Variants in JAKMIP1 observed in about 807,000 individuals in gnomAD.
JAKMIP1 encodes janus kinase and microtubule interacting protein 1.
JAKMIP1 carries 33 observed loss-of-function variants against 113.0 expected under a neutral mutation model. The observed-to-expected ratio is 0.29, with a 90% confidence interval of 0.22 to 0.39. JAKMIP1 has a LOEUF of 0.39. JAKMIP1 is among the 10% of genes least tolerant of loss of function. The probability of loss-of-function intolerance (pLI) is 1.00; values close to 1 mark genes in which losing one functional copy is unlikely to be tolerated. For synonymous variants in JAKMIP1, 480 were observed against 459.9 expected (o/e 1.04, Z -0.56); for missense variants, 813 against 1,080.5 (o/e 0.75, Z 3.47).
chr4:6,028,134 G>A (rs745463356), intron 20 of JAKMIP1, among the ~76,000 whole-genome samples: 1 of 152,228 alleles, frequency 6.6e-6, no homozygotes, highest in Non-Finnish European at 1.5e-5. Context: ...GGCTCTCTGG[G>A]CCTACCTGGG....
chr4:6,029,030 A>G (rs570769085), intron 20 of JAKMIP1, among the ~76,000 whole-genome samples: 10 of 152,230 alleles, frequency 6.6e-5, no homozygotes, highest in African/African-American at 1.9e-4. Flanking sequence ...CCATGATAAA[A>G]CTGCTTTGTG....
chr4:6,100,295 CTATTCTGGAGATTTCAT>C (rs1462181665), intron 3 of JAKMIP1, among the ~76,000 whole-genome samples: 7 of 152,166 alleles, frequency 4.6e-5, no homozygotes, highest in African/African-American at 1.7e-4. Flanking sequence ...ATAGATTTGG[CTATTCTGGAGATTTCAT>C]ACAAATGCAA....
chr4:6,042,129 C>G lies in JAKMIP1; in HGVS notation c.2097+30G>C, dbSNP rs1437875680. On this transcript the variant is annotated intron_variant, in intron 17 of 20. Transcript: ENST00000409021. This position sits in a 1 kb window ranked among gnomAD's most constrained non-coding sequence, Gnocchi z 5.2. ...CCTCTCTGAGCTCTTTGAACCCTCT[C>G]CCCCACCCCCAGGCAGTCAAATCTT... The G allele has an allele frequency of 1.9e-6, 3 of 1,580,192 alleles. No homozygotes were observed. In the Admixed American group the frequency reaches 5.0e-5, roughly 26 times the overall value.
At position 6,064,316 on chromosome 4, in the gene JAKMIP1, A is replaced by G. The variant is rs1717739330; in HGVS notation, c.1431+564T>C. On this transcript the variant is annotated intron_variant, in intron 9 of 20. Coordinates refer to ENST00000409021, the MANE Select transcript of JAKMIP1 (RefSeq NM_001099433.2). The surrounding 1 kb of genome is among the most constrained non-coding windows in gnomAD (Gnocchi z 4.3). ...CGAAGCTGGTCTTTGCCCCCTCACG[A>G]ATCCACCTTGCTCAAGAAGCTGGCT... is the stretch of plus-strand genomic sequence containing the variant. Among the ~76,000 whole-genome samples the G allele has an allele frequency of 6.6e-6, 1 of 152,216 alleles. No homozygotes were observed. Among genetic ancestry groups the G allele is most frequent in the African/African-American group, 2.4e-5 (1 of 41,456 alleles).
intron 2 of JAKMIP1, among the ~76,000 whole-genome samples, chr4:6,107,582 C>G (rs1714169703): frequency 6.6e-6 from 1 of 152,160 alleles, no homozygotes; most frequent in African/African-American, 2.4e-5. Context: ...GACCGAGGTC[C>G]CCTGCGGAAG....
In JAKMIP1 at chr4:6,179,511, C is replaced by T. The variant is rs560928354; in HGVS notation, c.-148+20742G>A. On this transcript the variant is annotated intron_variant, in intron 1 of 20. Coordinates refer to ENST00000409021, the MANE Select transcript of JAKMIP1 (RefSeq NM_001099433.2). This position sits in a 1 kb window ranked among gnomAD's most constrained non-coding sequence, Gnocchi z 4.5. ...CTACAGGCACCGTCAAGGGACAACC[C>T]TACAAAGCCACAAACCCACAGGAAA... 1.3e-5 allele frequency among the ~76,000 whole-genome samples: 2 copies of T among 152,280 alleles called. No homozygotes were observed. The highest frequency in any genetic ancestry group is 4.1e-4 in the South Asian group (2 of 4,826).
rs1425304659 is a variant in JAKMIP1 at position 6,089,782 on chromosome 4, A to G, written c.625-4153T>C. On this transcript the variant is annotated intron_variant, in intron 3 of 20. Transcript: ENST00000409021. This position sits in a 1 kb window ranked among gnomAD's most constrained non-coding sequence, Gnocchi z 5.3. The stretch of plus-strand genomic sequence containing the variant: ...CTCAACATCAATTCTCATTCTTGGT[A>G]CCTGTAGTGGGATGAATAATGTCCC... 1.3e-5 allele frequency among the ~76,000 whole-genome samples: 2 copies of G among 152,214 alleles called. No individual in the cohort carries two copies. Among genetic ancestry groups the G allele is most frequent in the African/African-American group, 4.8e-5 (2 of 41,454 alleles).
chr4:6,133,391 T>C (rs1369728764), intron 1 of JAKMIP1, among the ~76,000 whole-genome samples: 1 of 152,238 alleles, frequency 6.6e-6, no homozygotes, highest in Non-Finnish European at 1.5e-5. Context: ...GTATTATTTA[T>C]ACTTTCAGAG....
intron 19 of JAKMIP1, among the ~76,000 whole-genome samples, chr4:6,033,886 TCA>T (rs1713058900): frequency 6.6e-6 from 1 of 152,114 alleles, no homozygotes; most frequent in Non-Finnish European, 1.5e-5. Context: ...TCACAAAACA[TCA>T]ATAGTTAACC....
chr4:6,096,354 A>C (rs1711764904), intron 3 of JAKMIP1, among the ~76,000 whole-genome samples: 1 of 152,222 alleles, frequency 6.6e-6, no homozygotes, highest in African/African-American at 2.4e-5. Flanking sequence ...CTAATTATAA[A>C]TTCCCATTGT....
intron 1 of JAKMIP1, among the ~76,000 whole-genome samples, chr4:6,175,102 C>A (rs1019802015): frequency 3.3e-5 from 5 of 152,158 alleles, no homozygotes; most frequent in African/African-American, 1.2e-4. Context: ...CTCACCTTCC[C>A]ACAAGTCCCC....
intron 1 of JAKMIP1, among the ~76,000 whole-genome samples, chr4:6,127,270 G>A (rs969497024): frequency 6.6e-6 from 1 of 152,198 alleles, no homozygotes; most frequent in Non-Finnish European, 1.5e-5. Flanking sequence ...GGCAGCCAGG[G>A]CATAGGCTGT....
intron 3 of JAKMIP1, among the ~76,000 whole-genome samples, chr4:6,091,322 T>C (rs958012770): frequency 1.3e-5 from 2 of 152,250 alleles, no homozygotes; most frequent in African/African-American, 4.8e-5. Flanking sequence ...CATTTTAAAT[T>C]AAGCTCAAAC....
chr4:6,071,683 C>T (rs1243109678), intron 8 of JAKMIP1, among the ~76,000 whole-genome samples: 1 of 152,228 alleles, frequency 6.6e-6, no homozygotes, highest in Non-Finnish European at 1.5e-5. Context: ...GGCTCCCGAG[C>T]TCTGCTCTAC....
Position 6,098,159 on chromosome 4 carries a change from G to A in JAKMIP1, c.624+7314C>T, listed in dbSNP as rs554495680. Among the ~76,000 whole-genome samples, 559 of 152,304 alleles carry A rather than the reference G, an allele frequency of 3.7e-3. 7 individuals are homozygous for A. The highest frequency in any genetic ancestry group is 3.7e-3 in the Non-Finnish European group (253 of 68,038). On this transcript the variant is annotated intron_variant, in intron 3 of 20. Transcript: ENST00000409021. ...AAAAGAAACATTCCTCGTCGCGTGCGGTGGCTCACGCCTGTAATCCCAGCA... is the reference window on the plus strand; with the variant it reads ...AAAAGAAACATTCCTCGTCGCGTGCAGTGGCTCACGCCTGTAATCCCAGCA...
Position 6,153,992 on chromosome 4 carries a change from T to A in JAKMIP1, c.-147-40995A>T, listed in dbSNP as rs536860384. 1.5e-4 allele frequency among the ~76,000 whole-genome samples: 23 copies of A among 152,276 alleles called. No homozygotes were observed. Among genetic ancestry groups the A allele is most frequent in the African/African-American group, 5.1e-4 (21 of 41,568 alleles). On this transcript the variant is annotated intron_variant, in intron 1 of 20. Coordinates refer to ENST00000409021, the MANE Select transcript of JAKMIP1 (RefSeq NM_001099433.2). This position sits in a 1 kb window ranked among gnomAD's most constrained non-coding sequence, Gnocchi z 4.9. ...CTTGTCACAGAGTCTGCCCAGGTCT[T>A]GTATGCGGCAGATGTTTACTAAATA...
intron 8 of JAKMIP1, among the ~76,000 whole-genome samples, chr4:6,066,732 C>T (rs543899572): frequency 9.9e-5 from 15 of 152,140 alleles, no homozygotes; most frequent in African/African-American, 3.1e-4. Context: ...CTCTCTCCCC[C>T]TCTCTCCATT....
Position 6,157,106 on chromosome 4 carries a change from C to G in JAKMIP1, c.-148+43147G>C, listed in dbSNP as rs1722335484. On this transcript the variant is annotated intron_variant, in intron 1 of 20. Coordinates refer to ENST00000409021, the MANE Select transcript of JAKMIP1 (RefSeq NM_001099433.2). This position sits in a 1 kb window ranked among gnomAD's most constrained non-coding sequence, Gnocchi z 4.7. Reference sequence around the variant, plus strand: ...GCTGAGTTCAGCCCCCTTCTCAGCTCTCTCTCTGGAACTCTCTTGCCCTGC... The same window carrying G: ...GCTGAGTTCAGCCCCCTTCTCAGCTGTCTCTCTGGAACTCTCTTGCCCTGC... Among the ~76,000 whole-genome samples the G allele has an allele frequency of 6.6e-6, 1 of 152,200 alleles. No homozygotes were observed.
chr4:6,094,189 A>G lies in JAKMIP1; in HGVS notation c.625-8560T>C, dbSNP rs1387664236. ...TTAAAAACAACCATTATGGTTTTAT[A>G]AAAGCATAAAATAAAATCTCAAACA... On this transcript the variant is annotated intron_variant, in intron 3 of 20. Transcript: ENST00000409021. The surrounding 1 kb of genome is among the most constrained non-coding windows in gnomAD (Gnocchi z 4.2). Among the ~76,000 whole-genome samples, 1 of 152,230 alleles carries G rather than the reference A, an allele frequency of 6.6e-6. No individual in the cohort carries two copies. Among genetic ancestry groups the G allele is most frequent in the African/African-American group, 2.4e-5 (1 of 41,460 alleles).
Sources: gnomAD v4.1 joint callset for allele counts (sites outside exome capture counted in the v4.1 genomes callset) on GRCh38, gnomAD v4.1.1 for gene constraint, Gnocchi (gnomAD v3.1) non-coding constraint, MANE v1.5 for transcripts, NCBI Gene and HGNC (gene_info 2026-07-23, HGNC 2026-07-21) for gene names.